The following ZDHHC21 variants were observed in gnomAD, a reference collection of about 807,000 sequenced individuals.
ZDHHC21 encodes palmitoyltransferase ZDHHC21.
In ZDHHC21, 15 loss-of-function variants were observed where a neutral mutation model predicts 34.6. The observed-to-expected ratio is 0.43, with a 90% CI of 0.29 to 0.67. The LOEUF (loss-of-function observed/expected upper bound fraction) is 0.67. Ranked by LOEUF, ZDHHC21 falls within the 30% of genes least tolerant of loss-of-function variation. The pLI, the probability that ZDHHC21 is intolerant of heterozygous loss-of-function variation, is 0.14. For missense variants in ZDHHC21, 344 were observed against 327.7 expected (o/e 1.05, Z -0.38); for synonymous variants, 142 against 101.8 (o/e 1.40, Z -2.38).
At chr9:14,643,476 T>G (rs986382451) in intron 7 of ZDHHC21, among the ~76,000 whole-genome samples, 9 of 152,214 alleles carry the variant, frequency 5.9e-5, no homozygotes, top group African/African-American at 2.2e-4. Flanking sequence ...AACTACCCTA[T>G]TCACTCTCTT....
intron 8 of ZDHHC21, among the ~76,000 whole-genome samples, chr9:14,635,560 G>C (rs1326636965): frequency 6.6e-6 from 1 of 152,132 alleles, no homozygotes; most frequent in African/African-American, 2.4e-5. Flanking sequence ...AACACTTTCA[G>C]ACAAAAACAC....
rs747997296 is a variant in ZDHHC21 at position 14,614,386 on chromosome 9, T to C, written c.*4580A>G. On this transcript the variant is annotated 3_prime_UTR_variant, in exon 10 of 10. Transcript: ENST00000380916. ...GAAGAACTGACAAAGATATAGTGAG[T>C]TTTGTTGCTAAAAATTGCACAATGA... 2 of 151,722 alleles carry C rather than the reference T, an allele frequency of 1.3e-5. No homozygotes were observed. The highest frequency in any genetic ancestry group is 3.0e-5 in the Non-Finnish European group (2 of 67,738). 9.4% of individuals were successfully genotyped at this position (151,722 alleles called of 1,614,324 possible).
At chr9:14,658,548 G>A (rs1180951976) in intron 7 of ZDHHC21, among the ~76,000 whole-genome samples, 1 of 119,384 alleles carries the variant, frequency 8.4e-6, no homozygotes, top group Non-Finnish European at 1.6e-5. Context: ...TCGGCTCACT[G>A]CAGGCTCCGC....
At chr9:14,592,926 C>T in the ZDHHC21 span, among the ~76,000 whole-genome samples, 1 of 152,050 alleles carries the variant, frequency 6.6e-6, no homozygotes, top group South Asian at 2.1e-4. Context: ...CATGATCAAA[C>T]AACAGATCAA....
chr9:14,591,874 T>C, the ZDHHC21 span, among the ~76,000 whole-genome samples: 12 of 152,160 alleles, frequency 7.9e-5, no homozygotes, highest in African/African-American at 2.7e-4. Flanking sequence ...GTAGCTATTC[T>C]AGCTCTTATG....
At chr9:14,598,366 TACG>T in the ZDHHC21 span, among the ~76,000 whole-genome samples, 6 of 152,212 alleles carry the variant, frequency 3.9e-5, no homozygotes, top group Non-Finnish European at 5.9e-5. Context: ...ATAGAAATAA[TACG>T]ACGACTATAC....
At chr9:14,619,284 A>G (rs1195331904) in intron 9 of ZDHHC21, among the ~76,000 whole-genome samples, 186 bp from the exon 10 acceptor site, 1 of 152,172 alleles carries the variant, frequency 6.6e-6, no homozygotes, top group Non-Finnish European at 1.5e-5. Context: ...CAGATATTGT[A>G]TCTGTGTCGT....
At chr9:14,601,863 G>A in the ZDHHC21 span, among the ~76,000 whole-genome samples, 2 of 152,062 alleles carry the variant, frequency 1.3e-5, no homozygotes, top group Non-Finnish European at 2.9e-5. Context: ...GGATGAAGCT[G>A]GAAACCATCA....
intron 3 of ZDHHC21, among the ~76,000 whole-genome samples, chr9:14,677,208 A>G (rs1479884051): frequency 6.6e-6 from 1 of 152,048 alleles, no homozygotes; most frequent in Non-Finnish European, 1.5e-5. Context: ...ACACTCTCTA[A>G]AAGAGCAAGC....
chr9:14,618,902 T>C lies in ZDHHC21; in HGVS notation c.*64A>G, dbSNP rs1824736596. 6.7e-6 allele frequency: 10 copies of C among 1,481,740 alleles called. No individual in the cohort carries two copies. The East Asian group carries it at 2.4e-4, about 36-fold the overall frequency. The allele number at this position is 1,481,740 out of a possible 1,614,324, so 91.8% of individuals were successfully genotyped here. ...TGACTTGAAGACTGTCATAGTTCTA[T>C]TATCATAAAACCTGTAACGCATTGC... is the stretch of plus-strand genomic sequence containing the variant. On this transcript the variant is annotated 3_prime_UTR_variant, in exon 10 of 10. Transcript: ENST00000380916.
chr9:14,599,642 G>A, the ZDHHC21 span, among the ~76,000 whole-genome samples: 2 of 152,004 alleles, frequency 1.3e-5, no homozygotes, highest in Non-Finnish European at 2.9e-5. Context: ...AAGCCAGGGT[G>A]CCAAGTGATA....
At chr9:14,680,221 A>G (rs1837127247) in intron 2 of ZDHHC21, 59 bp from the exon 3 acceptor site, 1 of 152,348 alleles carries the variant, frequency 6.6e-6, no homozygotes, top group Non-Finnish European at 1.5e-5. Context: ...AAGCAACTAA[A>G]TATTCTAACT....
chr9:14,615,976 A>T lies in ZDHHC21; in HGVS notation c.*2990T>A, dbSNP rs1354982411. The T allele has an allele frequency of 6.6e-6, 1 of 151,704 alleles. No homozygotes were observed. The highest frequency in any genetic ancestry group is 6.6e-5 in the Admixed American group (1 of 15,174). 9.4% of individuals were successfully genotyped at this position (151,704 alleles called of 1,614,324 possible). On this transcript the variant is annotated 3_prime_UTR_variant, in exon 10 of 10. Transcript: ENST00000380916. ...AGTTGTTTTCAGTTATCCAGAATAC[A>T]TAAGAAATTGTTACTAAAACTATAG... is the stretch of plus-strand genomic sequence containing the variant.
At chr9:14,590,750 A>G in the ZDHHC21 span, among the ~76,000 whole-genome samples, 12 of 152,290 alleles carry the variant, frequency 7.9e-5, no homozygotes, top group Admixed American at 5.9e-4. Flanking sequence ...ATGTAAAAGG[A>G]AATTCTCAGA....
At chr9:14,639,275 T>C (rs1269150131) in intron 8 of ZDHHC21, among the ~76,000 whole-genome samples, 1 of 152,044 alleles carries the variant, frequency 6.6e-6, no homozygotes, top group Non-Finnish European at 1.5e-5. Flanking sequence ...ACAAATATCA[T>C]ATTTTCTCAC....
chr9:14,614,169 C>G lies in ZDHHC21; in HGVS notation c.*4797G>C, dbSNP rs1823792269. The stretch of plus-strand genomic sequence containing the variant: ...TGCTGATTATTCATGCACCATCTAG[C>G]CTTCTCTCCATCTTAGTAAGTTTGT... On this transcript the variant is annotated 3_prime_UTR_variant, in exon 10 of 10. Coordinates refer to ENST00000380916, the MANE Select transcript of ZDHHC21 (RefSeq NM_178566.6). 1 of 151,690 alleles carries G rather than the reference C, an allele frequency of 6.6e-6. No homozygotes were observed. The highest frequency in any genetic ancestry group is 2.1e-4 in the South Asian group (1 of 4,830). 9.4% of individuals were successfully genotyped at this position (151,690 alleles called of 1,614,324 possible). A position where few individuals can be genotyped will look rare whatever the true frequency, so the allele number is the denominator to read the frequency against.
intron 5 of ZDHHC21, among the ~76,000 whole-genome samples, chr9:14,665,786 A>T (rs902891488): frequency 6.8e-6 from 1 of 148,120 alleles, no homozygotes; most frequent in Non-Finnish European, 1.5e-5. Flanking sequence ...TCCTTTACAG[A>T]CAAGCAAATG....
chr9:14,691,724 T>C (rs575667799), intron 1 of ZDHHC21, among the ~76,000 whole-genome samples: 111 of 152,326 alleles, frequency 7.3e-4, no homozygotes, highest in African/African-American at 2.6e-3. Flanking sequence ...TGTCAAAGGA[T>C]CTAATAGAAT....
chr9:14,670,031 AAAAC>A (rs897048513), intron 5 of ZDHHC21, among the ~76,000 whole-genome samples: 64 of 151,916 alleles, frequency 4.2e-4, no homozygotes, highest in African/African-American at 1.2e-3. Context: ...AAAAAAAAAC[AAAAC>A]AAACAAACAA....
Sources: gnomAD v4.1 joint callset for allele counts (sites outside exome capture counted in the v4.1 genomes callset) on GRCh38, gnomAD v4.1.1 for gene constraint, MANE v1.5 for transcripts, NCBI Gene and HGNC (gene_info 2026-07-23, HGNC 2026-07-21) for gene names.